The following RSPH1 variants were observed in gnomAD, a reference collection of about 807,000 sequenced individuals.
The protein encoded by RSPH1 is radial spoke head 1 homolog.
A neutral mutation model predicts 44.2 loss-of-function variants in RSPH1; 32 were observed. That is an observed-to-expected ratio of 0.72 (90% CI 0.55 to 0.97). RSPH1 has a LOEUF of 0.97. Among genes scored for constraint, RSPH1 ranks in the 50% least tolerant of loss-of-function variants. The probability of loss-of-function intolerance (pLI) is 0.00; values close to 1 mark genes in which losing one functional copy is unlikely to be tolerated. For synonymous variants in RSPH1, 134 were observed against 147.3 expected, an observed-to-expected ratio of 0.91 and a Z score of 0.65; for missense variants, 391 against 398.7, an observed-to-expected ratio of 0.98 and a Z score of 0.16.
At chr21:42,476,870 AC>A (rs2054057531) in intron 7 of RSPH1, among the ~76,000 whole-genome samples, 1 of 152,080 alleles carries the variant, frequency 6.6e-6, no homozygotes, top group African/African-American at 2.4e-5. Context: ...CACTCAACTG[AC>A]CCAGCATCTG....
intron 3 of RSPH1, among the ~76,000 whole-genome samples, chr21:42,491,844 T>A (rs751021025): frequency 2.0e-5 from 3 of 152,200 alleles, no homozygotes; most frequent in Non-Finnish European, 4.4e-5. Context: ...AAGTGGTACA[T>A]CACAGTCCTA....
chr21:42,474,348 T>A lies in RSPH1; in HGVS notation c.878-1478A>T, dbSNP rs2054022382. Among the ~76,000 whole-genome samples the A allele has an allele frequency of 1.3e-5, 2 of 152,122 alleles. No individual in the cohort carries two copies. The highest frequency in any genetic ancestry group is 4.8e-5 in the African/African-American group (2 of 41,408). On this transcript the variant is annotated intron_variant, in intron 8 of 8. Transcript: ENST00000291536. The surrounding 1 kb of genome is among the most constrained non-coding windows in gnomAD (Gnocchi z 5.2). ...CACCTCCCTCCCAGCTAACCCGGAG[T>A]TTCCTGGTCCTGCCCCAGGTGAGTC...
intron 5 of RSPH1, 56 bp downstream of exon 5, chr21:42,485,613 T>A: frequency 1.2e-6 from 2 of 1,605,766 alleles, no homozygotes; most frequent in Non-Finnish European, 8.5e-7. Context: ...TTGCACAGGC[T>A]GCCAGAGGGG....
At chr21:42,477,840 T>TA (rs1374738569) in intron 6 of RSPH1, among the ~76,000 whole-genome samples, 1 of 151,930 alleles carries the variant, frequency 6.6e-6, no homozygotes, top group East Asian at 1.9e-4. Flanking sequence ...AACTCTAATA[T>TA]AAAAAATCGT....
At chr21:42,475,785 T>A in intron 8 of RSPH1, 113 bp downstream of exon 8, 2 of 1,251,942 alleles carry the variant, frequency 1.6e-6, no homozygotes, top group Non-Finnish European at 2.2e-6. Flanking sequence ...TAAGCCTTCC[T>A]CGAGTCCCTG....
intron 7 of RSPH1, among the ~76,000 whole-genome samples, 171 bp from the exon 8 acceptor site, chr21:42,476,218 G>A (rs142247652): frequency 2.4e-3 from 361 of 152,230 alleles, no homozygotes; most frequent in African/African-American, 8.1e-3. Context: ...GCCTGGCCAG[G>A]GGAGCAGCCC....
chr21:42,474,713 C>T lies in RSPH1; in HGVS notation c.877+1185G>A, dbSNP rs2054025574. On this transcript the variant is annotated intron_variant, in intron 8 of 8. Coordinates refer to ENST00000291536, the MANE Select transcript of RSPH1 (RefSeq NM_080860.4). This position sits in a 1 kb window ranked among gnomAD's most constrained non-coding sequence, Gnocchi z 5.2. ...GATGCTCACTTGTAAAGCCAGGTTT[C>T]CACCTGACCCCACGTCCCACCTCAG... Among the ~76,000 whole-genome samples, 2 of 150,686 alleles carry T rather than the reference C, an allele frequency of 1.3e-5. No individual in the cohort carries two copies. Among genetic ancestry groups the T allele is most frequent in the Admixed American group, 6.6e-5 (1 of 15,202 alleles).
At chr21:42,489,813 C>G (rs568964393) in intron 3 of RSPH1, among the ~76,000 whole-genome samples, 1 of 152,332 alleles carries the variant, frequency 6.6e-6, no homozygotes, top group Admixed American at 6.5e-5. Context: ...AAATTGGAGT[C>G]TGTCTAACAC....
At chr21:42,485,547 T>A in intron 5 of RSPH1, 122 bp downstream of exon 5, 1 of 1,139,288 alleles carries the variant, frequency 8.8e-7, no homozygotes, top group Non-Finnish European at 1.3e-6. Context: ...GTTCTCCACA[T>A]TTGAATAGGC....
At chr21:42,476,471 T>C (rs2054052473) in intron 7 of RSPH1, among the ~76,000 whole-genome samples, 1 of 152,148 alleles carries the variant, frequency 6.6e-6, no homozygotes, top group Admixed American at 6.5e-5. Flanking sequence ...TGAGTATTCT[T>C]TCACGGAGGC....
chr21:42,491,315 T>C (rs1485042777), intron 3 of RSPH1, among the ~76,000 whole-genome samples: 1 of 152,152 alleles, frequency 6.6e-6, no homozygotes. Flanking sequence ...AGTTGCATCA[T>C]TGGAAACTCA....
At chr21:42,493,299 G>A (rs2054255327) in intron 1 of RSPH1, among the ~76,000 whole-genome samples, 1 of 152,126 alleles carries the variant, frequency 6.6e-6, no homozygotes, top group Non-Finnish European at 1.5e-5. Flanking sequence ...ACATGTCCAG[G>A]GCGGAAGCCT....
At chr21:42,475,288 T>C (rs1390623490) in intron 8 of RSPH1, among the ~76,000 whole-genome samples, 1 of 152,124 alleles carries the variant, frequency 6.6e-6, no homozygotes, top group African/African-American at 2.4e-5. Flanking sequence ...CTCCTGTTAG[T>C]CAGCCCTGCT....
chr21:42,493,665 G>C (rs1485546951), intron 1 of RSPH1, among the ~76,000 whole-genome samples: 1 of 152,208 alleles, frequency 6.6e-6, no homozygotes, highest in Admixed American at 6.5e-5. Flanking sequence ...TGCTGATTAA[G>C]TTTATCTTAT....
intron 6 of RSPH1, among the ~76,000 whole-genome samples, chr21:42,479,162 G>A (rs927860414): frequency 2.0e-5 from 3 of 152,184 alleles, no homozygotes; most frequent in Non-Finnish European, 4.4e-5. Context: ...GAAACAGGGA[G>A]TGAGCCGTGG....
chr21:42,494,990 G>A (rs909666827), intron 1 of RSPH1, among the ~76,000 whole-genome samples: 3 of 152,154 alleles, frequency 2.0e-5, no homozygotes, highest in African/African-American at 7.2e-5. Context: ...GTGAGCCACC[G>A]CGCCTGGCCT....
At chr21:42,476,486 C>T (rs750431069) in intron 7 of RSPH1, among the ~76,000 whole-genome samples, 59 of 152,276 alleles carry the variant, frequency 3.9e-4, no homozygotes, top group Non-Finnish European at 6.3e-4. Flanking sequence ...GGAGGCCAAT[C>T]GGAGTTGGCT....
chr21:42,482,361 G>A (rs1049282615), intron 6 of RSPH1, among the ~76,000 whole-genome samples: 1 of 152,206 alleles, frequency 6.6e-6, no homozygotes, highest in Non-Finnish European at 1.5e-5. Flanking sequence ...GGGATTACAG[G>A]CGTGAGCCAT....
At chr21:42,486,764 G>T (rs1165465466) in intron 3 of RSPH1, among the ~76,000 whole-genome samples, 2 of 152,160 alleles carry the variant, frequency 1.3e-5, no homozygotes, top group African/African-American at 4.8e-5. Flanking sequence ...AGTTCACGGG[G>T]TACAGAGTGA....
Sources: allele counts gnomAD v4.1 joint callset (sites outside exome capture counted in the v4.1 genomes callset), GRCh38; gene constraint gnomAD v4.1.1; non-coding constraint Gnocchi (gnomAD v3.1); transcripts MANE v1.5; gene names NCBI Gene and HGNC (gene_info 2026-07-23, HGNC 2026-07-21).